The following PDZRN4 variants were observed in gnomAD, a reference collection of about 807,000 sequenced individuals.
PDZRN4 encodes the protein PDZ domain-containing RING finger protein 4.
PDZRN4 carries 70 observed loss-of-function variants against 99.0 expected under a neutral mutation model. The observed-to-expected ratio is 0.71, with a 90% CI of 0.58 to 0.86. The LOEUF (loss-of-function observed/expected upper bound fraction) is 0.86. PDZRN4 is among the 40% of genes least tolerant of loss of function. The pLI is 0.00. For synonymous variants in PDZRN4, 551 were observed against 501.6 expected (o/e 1.10, Z -1.32); for missense variants, 1,474 against 1,331.2 (o/e 1.11, Z -1.67).
At chr12:41,249,041 A>G (rs74736064) in intron 3 of PDZRN4, among the ~76,000 whole-genome samples, 1,752 of 152,280 alleles carry the variant, frequency 0.012, 54 homozygotes, top group East Asian at 0.1. Context: ...AATTACTCTG[A>G]AGTAAAAGCT....
chr12:41,357,522 G>A (rs1467318816), intron 3 of PDZRN4, among the ~76,000 whole-genome samples: 1 of 151,876 alleles, frequency 6.6e-6, no homozygotes. Flanking sequence ...ATACAAAGAT[G>A]AACACAATGA....
At chr12:41,492,585 A>G (rs1028254053) in intron 3 of PDZRN4, among the ~76,000 whole-genome samples, 1 of 152,170 alleles carries the variant, frequency 6.6e-6, no homozygotes, top group Admixed American at 6.6e-5. Context: ...GTCATTTAAA[A>G]GGAAGTGAAG....
chr12:41,344,796 A>G (rs761337729), intron 3 of PDZRN4, among the ~76,000 whole-genome samples: 2 of 149,084 alleles, frequency 1.3e-5, no homozygotes, highest in South Asian at 2.1e-4. Flanking sequence ...AAAATTTTAC[A>G]TAATTATCGA....
At chr12:41,425,006 C>T (rs575037501) in intron 3 of PDZRN4, among the ~76,000 whole-genome samples, 2 of 152,180 alleles carry the variant, frequency 1.3e-5, no homozygotes, top group Non-Finnish European at 2.9e-5. Flanking sequence ...TGATATACCA[C>T]AAAGACTCTG....
At chr12:41,232,966 A>ATG (rs1951038646) in intron 3 of PDZRN4, among the ~76,000 whole-genome samples, 2 of 152,090 alleles carry the variant, frequency 1.3e-5, no homozygotes, top group Non-Finnish European at 2.9e-5. Context: ...TTTGTCAAAG[A>ATG]TCAGATAGAT....
At chr12:41,489,314 A>G (rs141964394) in intron 3 of PDZRN4, among the ~76,000 whole-genome samples, 262 of 152,222 alleles carry the variant, frequency 1.7e-3, no homozygotes, top group African/African-American at 5.9e-3. Context: ...ATGTTGCTAA[A>G]CATCCTTAAT....
At chr12:41,478,808 G>A (rs565758025) in intron 3 of PDZRN4, among the ~76,000 whole-genome samples, 3 of 152,088 alleles carry the variant, frequency 2.0e-5, no homozygotes, top group African/African-American at 7.2e-5. Context: ...CTGATATCCA[G>A]GGAGTTCTCC....
chr12:41,567,276 G>A (rs890037941), intron 8 of PDZRN4, among the ~76,000 whole-genome samples: 5 of 152,082 alleles, frequency 3.3e-5, no homozygotes, highest in African/African-American at 1.2e-4. Context: ...TTCTTTTGTG[G>A]CAAGCAGCCA....
chr12:41,225,532 A>T (rs1367239167), intron 3 of PDZRN4, among the ~76,000 whole-genome samples: 2 of 152,144 alleles, frequency 1.3e-5, no homozygotes, highest in African/African-American at 4.8e-5. Context: ...TTTATACTTA[A>T]ATGCTTTTGT....
chr12:41,507,377 G>A (rs1313253410), intron 4 of PDZRN4, among the ~76,000 whole-genome samples: 1 of 152,132 alleles, frequency 6.6e-6, no homozygotes, highest in Non-Finnish European at 1.5e-5. Context: ...TTAAAAGTAT[G>A]CTTGCCCAAT....
At chr12:41,328,086 T>C (rs992894098) in intron 3 of PDZRN4, among the ~76,000 whole-genome samples, 1 of 151,876 alleles carries the variant, frequency 6.6e-6, no homozygotes, top group Non-Finnish European at 1.5e-5. Context: ...AGACAAGAGG[T>C]GGTCTACCCA....
intron 3 of PDZRN4, among the ~76,000 whole-genome samples, chr12:41,283,728 C>A (rs1565541386): frequency 6.6e-6 from 1 of 152,058 alleles, no homozygotes; most frequent in Non-Finnish European, 1.5e-5. Flanking sequence ...TAAATGTAAT[C>A]CATCACATAA....
intron 5 of PDZRN4, among the ~76,000 whole-genome samples, chr12:41,529,242 TGTGA>T (rs924126405): frequency 6.6e-6 from 1 of 152,136 alleles, no homozygotes; most frequent in Non-Finnish European, 1.5e-5. Flanking sequence ...TGTGTGTGTG[TGTGA>T]ATTTCTGGAT....
chr12:41,241,607 G>T (rs1161716447), intron 3 of PDZRN4, among the ~76,000 whole-genome samples: 1 of 152,080 alleles, frequency 6.6e-6, no homozygotes, highest in Non-Finnish European at 1.5e-5. Flanking sequence ...ATTGTTGTGA[G>T]AATTAAATAA....
chr12:41,268,620 A>G (rs1951295094), intron 3 of PDZRN4, among the ~76,000 whole-genome samples: 1 of 152,228 alleles, frequency 6.6e-6, no homozygotes, highest in South Asian at 2.1e-4. Context: ...ACTTTATTGT[A>G]AATATAATTT....
In PDZRN4 at chr12:41,214,295, G is replaced by A. The variant is rs1274788861; in HGVS notation, c.843+20107G>A. On this transcript the variant is annotated intron_variant, in intron 3 of 9. Transcript: ENST00000402685. The stretch of plus-strand genomic sequence containing the variant: ...AAAAAAAAAGTTAACCAGGCATGGT[G>A]GTACATGCCTGTAGTTCCAACTACT... 2.7e-5 allele frequency among the ~76,000 whole-genome samples: 4 copies of A among 146,674 alleles called. No individual in the cohort carries two copies. In the East Asian group the frequency reaches 6.0e-4, roughly 22 times the overall value.
chr12:41,325,631 C>T (rs1286435261), intron 3 of PDZRN4, among the ~76,000 whole-genome samples: 1 of 152,142 alleles, frequency 6.6e-6, no homozygotes, highest in African/African-American at 2.4e-5. Flanking sequence ...AAGAGCAACA[C>T]TCAAGGCCCA....
chr12:41,307,281 G>T (rs548216504), intron 3 of PDZRN4, among the ~76,000 whole-genome samples: 1 of 151,702 alleles, frequency 6.6e-6, no homozygotes, highest in African/African-American at 2.4e-5. Context: ...TGACAGCATG[G>T]TTGAGTTCTG....
intron 3 of PDZRN4, among the ~76,000 whole-genome samples, chr12:41,206,592 CTG>C (rs1368279012): frequency 6.6e-6 from 1 of 151,446 alleles, no homozygotes; most frequent in Non-Finnish European, 1.5e-5. Flanking sequence ...CTGCCTTTTG[CTG>C]TGCCTTCAAC....
Sources: allele counts gnomAD v4.1 joint callset (sites outside exome capture counted in the v4.1 genomes callset), GRCh38; gene constraint gnomAD v4.1.1; transcripts MANE v1.5; gene names NCBI Gene and HGNC (gene_info 2026-07-23, HGNC 2026-07-21).